Variants in NXPH1 observed in about 807,000 individuals in gnomAD.
The protein encoded by NXPH1 is neurexophilin 1.
NXPH1 carries 5 observed loss-of-function variants against 23.7 expected under a neutral mutation model. The ratio of observed to expected loss-of-function variants is 0.21; its 90% CI spans 0.11 to 0.44. NXPH1 has a LOEUF of 0.44. Ranked by LOEUF, NXPH1 falls within the 20% of genes least tolerant of loss-of-function variation. NXPH1 has a pLI of 0.99. For synonymous variants in NXPH1, 144 were observed against 122.2 expected (o/e 1.18, Z -1.18); for missense variants, 324 against 321.6 (o/e 1.01, Z -0.06).
At chr7:8,607,296 G>GTTAAAAGC (rs1469038574) in intron 2 of NXPH1, among the ~76,000 whole-genome samples, 1 of 152,128 alleles carries the variant, frequency 6.6e-6, no homozygotes, top group Non-Finnish European at 1.5e-5. Context: ...GCTTAAATGA[G>GTTAAAAGC]TTAAAAGCAC....
At chr7:8,625,799 T>C (rs368914928) in intron 2 of NXPH1, among the ~76,000 whole-genome samples, 5 of 152,156 alleles carry the variant, frequency 3.3e-5, no homozygotes, top group African/African-American at 1.2e-4. Flanking sequence ...CCTAGATCAA[T>C]GTCAAGCTAA....
chr7:8,467,357 G>A (rs1816802911), intron 2 of NXPH1, among the ~76,000 whole-genome samples: 1 of 152,194 alleles, frequency 6.6e-6, no homozygotes, highest in Admixed American at 6.5e-5. Flanking sequence ...TCTCCCTAAG[G>A]TCATATCATG....
At chr7:8,704,777 C>G (rs906257936) in intron 2 of NXPH1, among the ~76,000 whole-genome samples, 1 of 151,880 alleles carries the variant, frequency 6.6e-6, no homozygotes, top group Non-Finnish European at 1.5e-5. Context: ...AATTGTAGGT[C>G]TGGTGGCCAG....
intron 2 of NXPH1, among the ~76,000 whole-genome samples, chr7:8,737,760 C>G (rs1035512417): frequency 7.0e-4 from 106 of 152,252 alleles, no homozygotes; most frequent in African/African-American, 2.1e-3. Flanking sequence ...CTGTCACTTT[C>G]AGGTACACCA....
At chr7:8,532,298 A>T (rs961799269) in intron 2 of NXPH1, among the ~76,000 whole-genome samples, 3 of 152,104 alleles carry the variant, frequency 2.0e-5, no homozygotes, top group Admixed American at 1.3e-4. Flanking sequence ...AATTAAATCT[A>T]TGTATCAATT....
Position 8,600,890 on chromosome 7 carries a change from A to T in NXPH1, c.55-150118A>T, listed in dbSNP as rs569297782. Among the ~76,000 whole-genome samples the T allele has an allele frequency of 6.7e-3, 1,018 of 152,152 alleles. 12 individuals are homozygous for T. The highest frequency in any genetic ancestry group is 0.023 in the African/African-American group (966 of 41,478). ...CAACCAATCTTGGATCAAAAAGATT[A>T]AAAAAAGTTATGTCTGTACTGAATG... On this transcript the variant is annotated intron_variant, in intron 2 of 2. Coordinates refer to ENST00000405863, the MANE Select transcript of NXPH1 (RefSeq NM_152745.3).
chr7:8,696,106 C>T (rs996430277), intron 2 of NXPH1, among the ~76,000 whole-genome samples: 1 of 152,178 alleles, frequency 6.6e-6, no homozygotes, highest in Admixed American at 6.5e-5. Flanking sequence ...GTCTAAAATA[C>T]TTTCACATAA....
intron 2 of NXPH1, among the ~76,000 whole-genome samples, chr7:8,517,273 A>G (rs1375467981): frequency 6.6e-6 from 1 of 152,064 alleles, no homozygotes; most frequent in Non-Finnish European, 1.5e-5. Context: ...GGAGGCTCAG[A>G]GGTAGAGTTG....
chr7:8,585,532 A>G (rs1315235518), intron 2 of NXPH1, among the ~76,000 whole-genome samples: 1 of 152,228 alleles, frequency 6.6e-6, no homozygotes, highest in Non-Finnish European at 1.5e-5. Flanking sequence ...TCGTAGGGAC[A>G]GGGAAACTTG....
intron 2 of NXPH1, among the ~76,000 whole-genome samples, chr7:8,581,541 CA>C (rs1818872694): frequency 6.6e-6 from 1 of 152,192 alleles, no homozygotes; most frequent in African/African-American, 2.4e-5. Context: ...CCCCAGGATC[CA>C]ATCACCTCTC....
intron 2 of NXPH1, among the ~76,000 whole-genome samples, chr7:8,623,929 A>G (rs1385443655): frequency 6.6e-6 from 1 of 152,126 alleles, no homozygotes; most frequent in Non-Finnish European, 1.5e-5. Flanking sequence ...TAGAAGAAGT[A>G]TATGTGACAT....
chr7:8,640,940 C>A (rs1277033177), intron 2 of NXPH1, among the ~76,000 whole-genome samples: 1 of 151,932 alleles, frequency 6.6e-6, no homozygotes, highest in African/African-American at 2.4e-5. Flanking sequence ...AGCAACAGAG[C>A]AAGACTGTCT....
At chr7:8,615,171 T>C (rs1388217275) in intron 2 of NXPH1, among the ~76,000 whole-genome samples, 1 of 152,060 alleles carries the variant, frequency 6.6e-6, no homozygotes, top group African/African-American at 2.4e-5. Context: ...CATCTGCATT[T>C]GAGCCCTGCT....
rs77941720 is a variant in NXPH1 at position 8,691,625 on chromosome 7, C to T, written c.55-59383C>T. Reference sequence around the variant, plus strand: ...AATGGAAAAATTTTAACCACTGAAACTGCCGTATAAAGGTAAAGCAAATAT... The same window carrying T: ...AATGGAAAAATTTTAACCACTGAAATTGCCGTATAAAGGTAAAGCAAATAT... On this transcript the variant is annotated intron_variant, in intron 2 of 2. Transcript: ENST00000405863. 4.9e-4 allele frequency among the ~76,000 whole-genome samples: 74 copies of T among 152,218 alleles called. No individual in the cohort carries two copies. The East Asian group carries it at 0.014, about 29-fold the overall frequency.
intron 2 of NXPH1, among the ~76,000 whole-genome samples, chr7:8,614,497 A>G (rs1819692178): frequency 2.0e-5 from 3 of 152,064 alleles, no homozygotes; most frequent in South Asian, 4.1e-4. Flanking sequence ...GTCTATAGAT[A>G]TGGATACATA....
intron 2 of NXPH1, among the ~76,000 whole-genome samples, chr7:8,588,053 A>G (rs1483594177): frequency 6.6e-6 from 1 of 152,212 alleles, no homozygotes; most frequent in Non-Finnish European, 1.5e-5. Context: ...ATGAGATACC[A>G]TCTCACGCTA....
intron 2 of NXPH1, among the ~76,000 whole-genome samples, chr7:8,481,465 A>G (rs1475794333): frequency 6.6e-6 from 1 of 152,174 alleles, no homozygotes; most frequent in East Asian, 1.9e-4. Context: ...GAAATAAAAT[A>G]AATACTATGA....
chr7:8,526,851 A>T (rs1817869063), intron 2 of NXPH1, among the ~76,000 whole-genome samples: 1 of 152,210 alleles, frequency 6.6e-6, no homozygotes, highest in Non-Finnish European at 1.5e-5. Flanking sequence ...AGCAGCATGA[A>T]AACAGACTAA....
intron 2 of NXPH1, among the ~76,000 whole-genome samples, chr7:8,697,920 G>T (rs903484333): frequency 2.0e-5 from 3 of 152,218 alleles, no homozygotes; most frequent in African/African-American, 7.2e-5. Flanking sequence ...CTATAGGCAG[G>T]ATCATTTATG....
Sources: gnomAD v4.1 joint callset for allele counts (sites outside exome capture counted in the v4.1 genomes callset) on GRCh38, gnomAD v4.1.1 for gene constraint, MANE v1.5 for transcripts, NCBI Gene and HGNC (gene_info 2026-07-23, HGNC 2026-07-21) for gene names.